The following GOLGA6L9 variants were observed in gnomAD, a reference collection of about 807,000 sequenced individuals.
The protein encoded by GOLGA6L9 is golgin subfamily A member 6-like protein 9.
A neutral mutation model predicts 51.3 loss-of-function variants in GOLGA6L9; 19 were observed. The ratio of observed to expected loss-of-function variants is 0.37; its 90% CI spans 0.26 to 0.54. The LOEUF (loss-of-function observed/expected upper bound fraction) is 0.54. GOLGA6L9 is among the 20% of genes least tolerant of loss of function. The pLI is 0.83. For missense variants in GOLGA6L9, 247 were observed against 464.1 expected (o/e 0.53, Z 4.30); for synonymous variants, 97 against 184.2 (o/e 0.53, Z 3.83).
chr15:82,416,539 A>C, the GOLGA6L9 span, among the ~76,000 whole-genome samples: 4 of 152,210 alleles, frequency 2.6e-5, no homozygotes, highest in Non-Finnish European at 4.4e-5. Context: ...GAGAACCTAC[A>C]TTGGTGTGGT....
Position 82,434,336 on chromosome 15 carries a change from G to T in GOLGA6L9, c.736G>T (p.Glu246Ter). The T allele has an allele frequency of 6.5e-7, 1 of 1,535,106 alleles. No homozygotes were observed. The highest frequency in any genetic ancestry group is 2.0e-5 in the Admixed American group (1 of 51,108). Residue 246 changes from glutamate to a stop codon, truncating the protein, a stop_gained, in exon 6 of 9, where the codon GAG (glutamate) becomes TAG (stop). Transcript: ENST00000618348. LOFTEE classifies it high-confidence loss of function. ...LCEQEKLPGQ[E>*]RLLEEVEKLL... ...TGAACAGGAGAAGCTGCCAGGGCAG[G>T]AGAGGCTGCTGGAAGAGGTGGAGAA... is the stretch of plus-strand genomic sequence containing the variant.
chr15:82,436,445 A>G lies in GOLGA6L9; in HGVS notation c.*34A>G. The G allele has an allele frequency of 6.6e-7, 1 of 1,515,730 alleles. No individual in the cohort carries two copies. Among genetic ancestry groups the G allele is most frequent in the Non-Finnish European group, 9.0e-7 (1 of 1,110,784 alleles). The allele number at this position is 1,515,730 out of a possible 1,614,324, so 93.9% of individuals were successfully genotyped here. On this transcript the variant is annotated 3_prime_UTR_variant, in exon 9 of 9. Coordinates refer to ENST00000618348, the MANE Select transcript of GOLGA6L9 (RefSeq NM_198181.4). ...CAAGAAATTGAAAAAAAAAAACAAA[A>G]CATTTAAGGGGTTAATATCCTACAC...
chr15:82,429,221 C>T (rs2031308916), upstream of GOLGA6L9, among the ~76,000 whole-genome samples: 1 of 151,588 alleles, frequency 6.6e-6, no homozygotes, highest in Non-Finnish European at 1.5e-5. Context: ...ATTACAAGCA[C>T]CCACCACCAC....
chr15:82,429,849 G>A lies in GOLGA6L9; in HGVS notation c.-231G>A, dbSNP rs2435149. On this transcript the variant is annotated 5_prime_UTR_variant, in exon 1 of 9. Coordinates refer to ENST00000618348, the MANE Select transcript of GOLGA6L9 (RefSeq NM_198181.4). The stretch of plus-strand genomic sequence containing the variant: ...CTCTCTCTGAGTGGGCGGGGACAGC[G>A]GTTGCATGGGCAGCTTTCCTTATGA... 5.3e-5 allele frequency among the ~76,000 whole-genome samples: 8 copies of A among 152,058 alleles called. No individual in the cohort carries two copies. The highest frequency in any genetic ancestry group is 1.9e-4 in the East Asian group (1 of 5,186).
chr15:82,416,232 A>G, the GOLGA6L9 span, among the ~76,000 whole-genome samples: 6 of 152,300 alleles, frequency 3.9e-5, no homozygotes, highest in South Asian at 8.3e-4. Flanking sequence ...GAGCTATAAC[A>G]CAAGGAGGGT....
Position 82,436,437 on chromosome 15 carries a change from A to AAC in GOLGA6L9, c.*27_*28insCA. 6.6e-7 allele frequency: 1 copy of AAC among 1,515,082 alleles called. No homozygotes were observed. The allele number at this position is 1,515,082 out of a possible 1,614,324, so 93.9% of individuals were successfully genotyped here. On this transcript the variant is annotated 3_prime_UTR_variant, in exon 9 of 9. Transcript: ENST00000618348. ...GAGCGGGTCAAGAAATTGAAAAAAAAAAACAAAACATTTAAGGGGTTAATA... is the reference window on the plus strand; with the variant it reads ...GAGCGGGTCAAGAAATTGAAAAAAAAACAAACAAAACATTTAAGGGGTTAATA...
intron 4 of GOLGA6L9, among the ~76,000 whole-genome samples, 196 bp from the exon 5 acceptor site, chr15:82,433,366 T>G (rs1251640894): frequency 6.6e-6 from 1 of 151,992 alleles, no homozygotes; most frequent in Non-Finnish European, 1.5e-5. Context: ...AGGGCTCCTG[T>G]CTGTCCTTTG....
At chr15:82,418,707 T>C in the GOLGA6L9 span, 1 of 152,258 alleles carries the variant, frequency 6.6e-6, no homozygotes, top group East Asian at 1.9e-4. Flanking sequence ...AGGAGCCACA[T>C]GGTGTGAACC....
chr15:82,435,383 G>A, intron 7 of GOLGA6L9: 2 of 311,418 alleles, frequency 6.4e-6, no homozygotes, highest in South Asian at 2.9e-5. Context: ...GTGCATGCCT[G>A]TAATCCCAGC....
intron 1 of GOLGA6L9, 32 bp downstream of exon 1, chr15:82,430,195 A>G: frequency 1.7e-6 from 1 of 575,006 alleles, no homozygotes; most frequent in South Asian, 1.9e-5. Flanking sequence ...CCCCCAACCC[A>G]GCCACAGATC....
chr15:82,434,527 GGAGAGGATGCT>G lies in GOLGA6L9; in HGVS notation c.929_939del (p.Glu310GlyfsTer45), dbSNP rs2031587398. ...GGGAGCTGGAGAGGCTGCGGGAGCTGGAGAGGATGCTGGAGCTGGGGTGGGAAGCCCTGTAC... is the reference window on the plus strand; with the variant it reads ...GGGAGCTGGAGAGGCTGCGGGAGCTGGGAGCTGGGGTGGGAAGCCCTGTAC... On this transcript the variant is annotated frameshift_variant, in exon 6 of 9. Coordinates refer to ENST00000618348, the MANE Select transcript of GOLGA6L9 (RefSeq NM_198181.4). LOFTEE classifies it high-confidence loss of function. 6.4e-7 allele frequency: 1 copy of G among 1,567,644 alleles called. No individual in the cohort carries two copies. Among genetic ancestry groups the G allele is most frequent in the African/African-American group, 1.4e-5 (1 of 72,622 alleles).
At chr15:82,428,906 C>G (rs2031288104), upstream of GOLGA6L9, among the ~76,000 whole-genome samples, 1 of 147,274 alleles carries the variant, frequency 6.8e-6, no homozygotes, top group African/African-American at 2.5e-5. Context: ...TTCATGATTG[C>G]AAGTCATAGC....
chr15:82,436,459 A>T lies in GOLGA6L9; in HGVS notation c.*48A>T. 6.5e-7 allele frequency: 1 copy of T among 1,530,076 alleles called. No individual in the cohort carries two copies. The highest frequency in any genetic ancestry group is 1.2e-5 in the South Asian group (1 of 86,254). 94.8% of individuals were successfully genotyped at this position (1,530,076 alleles called of 1,614,324 possible). A position where few individuals can be genotyped will look rare whatever the true frequency, so the allele number is the denominator to read the frequency against. On this transcript the variant is annotated 3_prime_UTR_variant, in exon 9 of 9. Coordinates refer to ENST00000618348, the MANE Select transcript of GOLGA6L9 (RefSeq NM_198181.4). ...AAAAAAACAAAACATTTAAGGGGTT[A>T]ATATCCTACACAATTCATTTACTTC... is the stretch of plus-strand genomic sequence containing the variant.
intron 5 of GOLGA6L9, 86 bp from the exon 6 acceptor site, chr15:82,433,946 TGA>T: frequency 6.9e-7 from 1 of 1,459,700 alleles, no homozygotes; most frequent in East Asian, 2.5e-5. Context: ...TTGGGAAGCC[TGA>T]GAGGAGGAGC....
Position 82,434,458 on chromosome 15 carries a change from G to A in GOLGA6L9, c.858G>A (p.Arg286=). 1.3e-6 allele frequency: 2 copies of A among 1,548,552 alleles called. No individual in the cohort carries two copies. Among genetic ancestry groups the A allele is most frequent in the Middle Eastern group, 2.3e-4 (1 of 4,370 alleles). The change falls in exon 6 of 9, where the codon AGG becomes AGA. Residue 286 remains arginine (R), a synonymous_variant. Transcript: ENST00000618348. ...TGGAGGAGCTCCTGGAGCAGGAGAG[G>A]CTTCGGCAACAGGATGAGAGGCTGT... is the stretch of plus-strand genomic sequence containing the variant. The part of the protein sequence containing the change: ...DEVEELLEQE[R]LRQQDERLWQ...
chr15:82,434,964 CA>C (rs1361677685), intron 7 of GOLGA6L9, 35 bp downstream of exon 7: 2 of 1,305,618 alleles, frequency 1.5e-6, no homozygotes, highest in African/African-American at 3.2e-5. Context: ...CCGACCCATC[CA>C]AGAAGATGTG....
chr15:82,436,416 G>A lies in GOLGA6L9; in HGVS notation c.*5G>A, dbSNP rs1357900077. ...CTAAACATCACCATCATCTAAGAGC[G>A]GGTCAAGAAATTGAAAAAAAAAAAC... On this transcript the variant is annotated 3_prime_UTR_variant, in exon 9 of 9. Transcript: ENST00000618348. 5.7e-5 allele frequency: 90 copies of A among 1,585,202 alleles called. No individual in the cohort carries two copies. The highest frequency in any genetic ancestry group is 2.3e-4 in the Middle Eastern group (1 of 4,402).
chr15:82,427,248 C>T (rs1393982034), upstream of GOLGA6L9, among the ~76,000 whole-genome samples: 1 of 142,870 alleles, frequency 7.0e-6, no homozygotes, highest in Non-Finnish European at 1.5e-5. Flanking sequence ...TCCTTCCTTG[C>T]TTTCCTTTTC....
the GOLGA6L9 span, among the ~76,000 whole-genome samples, chr15:82,416,915 A>T: frequency 2.0e-5 from 3 of 152,200 alleles, no homozygotes; most frequent in South Asian, 6.2e-4. Flanking sequence ...TAGTATATTC[A>T]GAGTTATGCA....
Sources: allele counts gnomAD v4.1 joint callset (sites outside exome capture counted in the v4.1 genomes callset), GRCh38; gene constraint gnomAD v4.1.1; transcripts MANE v1.5; gene names NCBI Gene and HGNC (gene_info 2026-07-23, HGNC 2026-07-21).